Variants in RALGAPA2 observed in about 807,000 individuals in gnomAD.
RALGAPA2 encodes the protein ral GTPase-activating protein subunit alpha-2.
Under a neutral mutation model 230.4 loss-of-function variants are expected in RALGAPA2, and 139 were observed. The observed-to-expected ratio is 0.60, with a 90% confidence interval of 0.53 to 0.69. RALGAPA2 has a LOEUF of 0.69. RALGAPA2 is among the 30% of genes least tolerant of loss of function. The pLI, the probability that RALGAPA2 is intolerant of heterozygous loss-of-function variation, is 0.00. For missense variants in RALGAPA2, 2,163 were observed against 2,276.0 expected (o/e 0.95, Z 1.01); for synonymous variants, 847 against 837.8 (o/e 1.01, Z -0.19).
intron 27 of RALGAPA2, 58 bp from the exon 28 acceptor site, chr20:20,526,420 T>C: frequency 8.7e-7 from 1 of 1,155,712 alleles, no homozygotes; most frequent in Non-Finnish European, 1.2e-6. Context: ...GTATCGTTCT[T>C]AAGGACAAAA....
chr20:20,476,847 A>T (rs1008879609), intron 36 of RALGAPA2, among the ~76,000 whole-genome samples: 1 of 152,150 alleles, frequency 6.6e-6, no homozygotes, highest in Non-Finnish European at 1.5e-5. Flanking sequence ...AACAAATTAA[A>T]AGTTTGTGTT....
chr20:20,667,187 T>C (rs2067981528), intron 3 of RALGAPA2, among the ~76,000 whole-genome samples: 1 of 152,248 alleles, frequency 6.6e-6, no homozygotes. Flanking sequence ...ATTGGCACTG[T>C]ACTGGATATA....
intron 1 of RALGAPA2, among the ~76,000 whole-genome samples, chr20:20,694,157 T>C (rs1187905299): frequency 1.4e-5 from 2 of 146,796 alleles, no homozygotes; most frequent in African/African-American, 5.0e-5. Flanking sequence ...AAAAAAAAAG[T>C]GAGGGAGGAG....
chr20:20,575,369 T>G (rs1016324280), intron 20 of RALGAPA2, among the ~76,000 whole-genome samples: 1 of 152,016 alleles, frequency 6.6e-6, no homozygotes, highest in Non-Finnish European at 1.5e-5. Flanking sequence ...TTTCACTGTG[T>G]TCCTGAAGAA....
chr20:20,710,506 G>C (rs1393380849), intron 1 of RALGAPA2, among the ~76,000 whole-genome samples: 1 of 152,070 alleles, frequency 6.6e-6, no homozygotes, highest in Admixed American at 6.5e-5. Context: ...AAAGATCACA[G>C]TAATAAACAA....
chr20:20,540,864 T>C (rs2063623936), intron 24 of RALGAPA2, among the ~76,000 whole-genome samples: 1 of 152,018 alleles, frequency 6.6e-6, no homozygotes, highest in South Asian at 2.1e-4. Context: ...TATCAATATG[T>C]TTTTAACCTA....
intron 25 of RALGAPA2, 50 bp from the exon 26 acceptor site, chr20:20,535,853 T>TC: frequency 6.6e-7 from 1 of 1,524,230 alleles, no homozygotes; most frequent in Non-Finnish European, 8.8e-7. Flanking sequence ...ATAGTTGGTT[T>TC]CCCACATGTT....
At chr20:20,708,329 C>T (rs370997234) in intron 1 of RALGAPA2, among the ~76,000 whole-genome samples, 2 of 152,156 alleles carry the variant, frequency 1.3e-5, no homozygotes, top group Non-Finnish European at 2.9e-5. Flanking sequence ...GTAAGTAAAA[C>T]GTTGATATGA....
intron 36 of RALGAPA2, among the ~76,000 whole-genome samples, chr20:20,494,278 G>A (rs2062142369): frequency 6.6e-6 from 1 of 152,086 alleles, no homozygotes; most frequent in African/African-American, 2.4e-5. Flanking sequence ...GCTCCTTCAG[G>A]AGAACAACTT....
At position 20,550,138 on chromosome 20, in the gene RALGAPA2, C is replaced by A. The variant is rs535750606; in HGVS notation, c.3157-3306G>T. Among the ~76,000 whole-genome samples, 749 of 152,232 alleles carry A rather than the reference C, an allele frequency of 4.9e-3. 5 individuals carry two copies. Among genetic ancestry groups the A allele is most frequent in the African/African-American group, 0.017 (714 of 41,530 alleles). ...ATTTGTAGTCTTTTATCCCTCATCC[C>A]CTTCCACCCTTTCCCCCAAGTCCCC... is the stretch of plus-strand genomic sequence containing the variant. On this transcript the variant is annotated intron_variant, in intron 23 of 39. Coordinates refer to ENST00000202677, the MANE Select transcript of RALGAPA2 (RefSeq NM_020343.4).
At chr20:20,635,716 T>C in intron 8 of RALGAPA2, 99 bp from the exon 9 acceptor site, 1 of 1,090,404 alleles carries the variant, frequency 9.2e-7, no homozygotes, top group Non-Finnish European at 1.3e-6. Flanking sequence ...CAATTTTTGG[T>C]TGTCTAAATA....
chr20:20,392,149 G>A lies in RALGAPA2; in HGVS notation c.*1140C>T, dbSNP rs998898068. 1 of 152,016 alleles carries A rather than the reference G, an allele frequency of 6.6e-6. No homozygotes were observed. The highest frequency in any genetic ancestry group is 2.4e-5 in the African/African-American group (1 of 41,300). The allele number at this position is 152,016 out of a possible 1,614,324, so 9.4% of individuals were successfully genotyped here. On this transcript the variant is annotated 3_prime_UTR_variant, in exon 40 of 40. Transcript: ENST00000202677. ...CCCCAGCAGGAGAGGGCTCACCATT[G>A]CTTCTCTTTTCATTCATTCATTCAT...
At chr20:20,574,776 T>C (rs2064766823) in intron 20 of RALGAPA2, among the ~76,000 whole-genome samples, 1 of 152,182 alleles carries the variant, frequency 6.6e-6, no homozygotes, top group Non-Finnish European at 1.5e-5. Flanking sequence ...TCTATTTGCT[T>C]CCATGACCAA....
intron 23 of RALGAPA2, among the ~76,000 whole-genome samples, chr20:20,551,430 G>A (rs2063922181): frequency 6.6e-6 from 1 of 152,148 alleles, no homozygotes; most frequent in African/African-American, 2.4e-5. Flanking sequence ...TTTTTCTCTT[G>A]CTCTGGTTAA....
At chr20:20,523,775 T>C (rs1056102537) in intron 30 of RALGAPA2, among the ~76,000 whole-genome samples, 4 of 152,230 alleles carry the variant, frequency 2.6e-5, no homozygotes, top group Admixed American at 1.3e-4. Flanking sequence ...TTAATGTAGA[T>C]ATCCCTATAA....
chr20:20,603,077 G>A (rs2065710306), intron 15 of RALGAPA2, among the ~76,000 whole-genome samples: 1 of 152,132 alleles, frequency 6.6e-6, no homozygotes, highest in Admixed American at 6.5e-5. Context: ...AGGACTAGAT[G>A]GACGCCAAGG....
At chr20:20,456,840 T>C (rs1286204901) in intron 37 of RALGAPA2, among the ~76,000 whole-genome samples, 1 of 145,962 alleles carries the variant, frequency 6.9e-6, no homozygotes, top group Non-Finnish European at 1.5e-5. Flanking sequence ...TAAAGTTCCT[T>C]TTTTTTTTTA....
intron 3 of RALGAPA2, among the ~76,000 whole-genome samples, chr20:20,667,705 G>A (rs1485650739): frequency 2.0e-5 from 3 of 152,182 alleles, no homozygotes; most frequent in African/African-American, 7.2e-5. Flanking sequence ...AAGAGACATG[G>A]TGCATCATCC....
intron 35 of RALGAPA2, among the ~76,000 whole-genome samples, chr20:20,502,550 T>C (rs2062407515): frequency 6.6e-6 from 1 of 152,226 alleles, no homozygotes; most frequent in South Asian, 2.1e-4. Flanking sequence ...TAACTGAATA[T>C]ACCTCTGATC....
Sources: allele counts gnomAD v4.1 joint callset (sites outside exome capture counted in the v4.1 genomes callset), GRCh38; gene constraint gnomAD v4.1.1; transcripts MANE v1.5; gene names NCBI Gene and HGNC (gene_info 2026-07-23, HGNC 2026-07-21).